The following ITFG1 variants were observed in gnomAD, a reference collection of about 807,000 sequenced individuals.
The protein encoded by ITFG1 is integrin alpha FG-GAP repeat containing 1, also known as T-cell immunomodulatory protein.
ITFG1 carries 34 observed loss-of-function variants against 81.8 expected under a neutral mutation model. The ratio of observed to expected loss-of-function variants is 0.42; its 90% CI spans 0.32 to 0.55. The LOEUF (loss-of-function observed/expected upper bound fraction) is 0.55. ITFG1 is among the 20% of genes least tolerant of loss of function. The pLI is 0.17. For synonymous variants in ITFG1, 285 were observed against 270.6 expected (o/e 1.05, Z -0.52); for missense variants, 672 against 755.4 (o/e 0.89, Z 1.29).
intron 5 of ITFG1, among the ~76,000 whole-genome samples, chr16:47,437,471 A>G (rs1031711128): frequency 8.6e-5 from 12 of 139,868 alleles, no homozygotes; most frequent in African/African-American, 3.2e-4. Flanking sequence ...CCATCTCCTG[A>G]AAAAAAAAAA....
chr16:47,436,403 A>G (rs1969167299), intron 5 of ITFG1, among the ~76,000 whole-genome samples: 1 of 152,338 alleles, frequency 6.6e-6, no homozygotes, highest in Middle Eastern at 3.4e-3. Flanking sequence ...TTAAACTGTC[A>G]GCAAACAATT....
intron 14 of ITFG1, among the ~76,000 whole-genome samples, chr16:47,188,908 G>T (rs1475937850): frequency 6.6e-6 from 1 of 152,118 alleles, no homozygotes; most frequent in East Asian, 1.9e-4. Context: ...GGGATTAGAA[G>T]TGTGTGCCAC....
At chr16:47,429,809 GATCCATCCATTC>G (rs1346216774) in intron 5 of ITFG1, among the ~76,000 whole-genome samples, 8 of 151,914 alleles carry the variant, frequency 5.3e-5, no homozygotes, top group Admixed American at 1.3e-4. Context: ...TCCATCCATC[GATCCATCCATTC>G]ATCCATCCAT....
intron 14 of ITFG1, among the ~76,000 whole-genome samples, chr16:47,172,403 G>T (rs1023092753): frequency 6.6e-6 from 1 of 152,138 alleles, no homozygotes; most frequent in Non-Finnish European, 1.5e-5. Context: ...CAGGAAAATC[G>T]CTTGAACCTG....
chr16:47,272,395 A>G (rs1407633143), intron 10 of ITFG1, among the ~76,000 whole-genome samples: 3 of 152,046 alleles, frequency 2.0e-5, no homozygotes, highest in Non-Finnish European at 2.9e-5. Context: ...ATGCACAACA[A>G]TATGAATACA....
At chr16:47,301,675 C>A (rs376467997) in intron 10 of ITFG1, among the ~76,000 whole-genome samples, 4 of 152,126 alleles carry the variant, frequency 2.6e-5, no homozygotes, top group African/African-American at 9.7e-5. Flanking sequence ...GGATTACAGG[C>A]GTGAGCCATC....
chr16:47,241,650 T>G (rs564097965), intron 12 of ITFG1, among the ~76,000 whole-genome samples: 15 of 152,182 alleles, frequency 9.9e-5, no homozygotes, highest in South Asian at 8.3e-4. Context: ...TGGGGGATGA[T>G]GGGGGACTAA....
intron 1 of ITFG1, among the ~76,000 whole-genome samples, chr16:47,460,145 T>A (rs895518704): frequency 1.3e-5 from 2 of 152,236 alleles, no homozygotes; most frequent in African/African-American, 4.8e-5. Flanking sequence ...ACTAAGGTGA[T>A]GACCAAGATG....
intron 8 of ITFG1, among the ~76,000 whole-genome samples, chr16:47,336,416 C>T (rs529617558): frequency 6.6e-6 from 1 of 152,260 alleles, no homozygotes; most frequent in South Asian, 2.1e-4. Flanking sequence ...CAACACTGGT[C>T]CCTGGATTTG....
intron 14 of ITFG1, chr16:47,202,449 A>G (rs561924226): frequency 6.6e-6 from 1 of 152,312 alleles, no homozygotes; most frequent in Admixed American, 6.5e-5. Flanking sequence ...ACCCCTTCTC[A>G]TAATTTTAAA....
chr16:47,162,663 A>T lies in ITFG1; in HGVS notation c.1455T>A (p.Ala485=). Residue 485 remains alanine (A), a splice_region_variant and synonymous_variant, in exon 15 of 18, where the codon GCT becomes GCA. Coordinates refer to ENST00000320640, the MANE Select transcript of ITFG1 (RefSeq NM_030790.5). Reference sequence around the variant, plus strand: ...AATGTGCGGATTGGCTGAGTTGGCCAGCTAGAGTTATTCAATTAAAAAAAA... The same window carrying T: ...AATGTGCGGATTGGCTGAGTTGGCCTGCTAGAGTTATTCAATTAAAAAAAA... ...DANGYLKNGS[A]GQLSQSAHLA... is the part of the protein sequence containing the mutation. 6.3e-7 allele frequency: 1 copy of T among 1,586,824 alleles called. No individual in the cohort carries two copies. The highest frequency in any genetic ancestry group is 1.4e-5 in the African/African-American group (1 of 73,532).
At chr16:47,349,538 A>T (rs1291528398) in intron 8 of ITFG1, among the ~76,000 whole-genome samples, 1 of 152,212 alleles carries the variant, frequency 6.6e-6, no homozygotes, top group Non-Finnish European at 1.5e-5. Flanking sequence ...CACCCAATAC[A>T]GGAGCACCCA....
intron 13 of ITFG1, among the ~76,000 whole-genome samples, chr16:47,236,957 C>T (rs1965883704): frequency 6.6e-6 from 1 of 152,192 alleles, no homozygotes; most frequent in African/African-American, 2.4e-5. Flanking sequence ...TAACACTTTC[C>T]TGGCGGCCTG....
At chr16:47,361,435 C>CAA (rs1399060283) in intron 8 of ITFG1, among the ~76,000 whole-genome samples, 51 of 152,044 alleles carry the variant, frequency 3.4e-4, no homozygotes, top group Non-Finnish European at 6.0e-4. Flanking sequence ...GAGATAACAC[C>CAA]TTATTTATAG....
chr16:47,241,886 G>A (rs1389643484), intron 12 of ITFG1, among the ~76,000 whole-genome samples: 3 of 151,756 alleles, frequency 2.0e-5, no homozygotes, highest in African/African-American at 4.8e-5. Context: ...CCTGGGAGGC[G>A]GAGCTTGCAG....
chr16:47,353,258 C>A (rs536925921), intron 8 of ITFG1, among the ~76,000 whole-genome samples: 18 of 151,910 alleles, frequency 1.2e-4, no homozygotes, highest in South Asian at 6.3e-4. Context: ...GGATTCATCC[C>A]AGAGGCATAA....
chr16:47,374,350 C>T (rs114858953), intron 7 of ITFG1, among the ~76,000 whole-genome samples: 3,240 of 152,240 alleles, frequency 0.021, 116 homozygotes, highest in African/African-American at 0.072. Context: ...AAAACAATAA[C>T]AAAAGACCCA....
At chr16:47,227,565 T>C (rs1596820198) in intron 13 of ITFG1, among the ~76,000 whole-genome samples, 1 of 152,208 alleles carries the variant, frequency 6.6e-6, no homozygotes, top group South Asian at 2.1e-4. Context: ...TGTGTGCCTA[T>C]TGTCTTATAA....
At chr16:47,177,691 T>C (rs77537320) in intron 14 of ITFG1, among the ~76,000 whole-genome samples, 7,503 of 152,258 alleles carry the variant, frequency 0.049, 285 homozygotes, top group Non-Finnish European at 0.076. Flanking sequence ...CTGAATATTC[T>C]GGATAACAGA....
Sources: allele counts gnomAD v4.1 joint callset (sites outside exome capture counted in the v4.1 genomes callset), GRCh38; gene constraint gnomAD v4.1.1; transcripts MANE v1.5; gene names NCBI Gene and HGNC (gene_info 2026-07-23, HGNC 2026-07-21).